Variants in IMMP2L observed in about 807,000 individuals in gnomAD.
The protein encoded by IMMP2L is inner mitochondrial membrane peptidase subunit 2.
In IMMP2L, 18 loss-of-function variants were observed where a neutral mutation model predicts 19.3. The observed-to-expected ratio is 0.93, with a 90% CI of 0.64 to 1.38. The LOEUF is 1.38. Among genes scored for constraint, IMMP2L ranks in the 40% most tolerant of loss-of-function variants. The probability of loss-of-function intolerance (pLI) is 0.00; values close to 1 mark genes in which losing one functional copy is unlikely to be tolerated. For synonymous variants in IMMP2L, 76 were observed against 73.0 expected (o/e 1.04, Z -0.21); for missense variants, 233 against 218.2 (o/e 1.07, Z -0.43).
chr7:110,963,083 T>A (rs1273892243), intron 4 of IMMP2L: 12 of 1,527,922 alleles, frequency 7.9e-6, no homozygotes, highest in Non-Finnish European at 1.0e-5. Context: ...TTCAGTTTTC[T>A]CCCATCTCTA....
At chr7:110,883,578 C>G (rs1013418070) in intron 5 of IMMP2L, among the ~76,000 whole-genome samples, 1 of 152,076 alleles carries the variant, frequency 6.6e-6, no homozygotes, top group African/African-American at 2.4e-5. Flanking sequence ...GTTTCATATT[C>G]CCTGCATACA....
chr7:111,444,193 G>C (rs994390701), intron 3 of IMMP2L, among the ~76,000 whole-genome samples: 4 of 151,876 alleles, frequency 2.6e-5, no homozygotes, highest in African/African-American at 9.7e-5. Context: ...CTTTTTCTGA[G>C]GGTTTAAAAT....
At chr7:111,298,628 T>G (rs1156254833) in intron 3 of IMMP2L, among the ~76,000 whole-genome samples, 3 of 151,722 alleles carry the variant, frequency 2.0e-5, no homozygotes, top group Admixed American at 2.0e-4. Flanking sequence ...TGGTGGCAGG[T>G]GCCTGTAGTT....
intron 5 of IMMP2L, among the ~76,000 whole-genome samples, chr7:110,748,322 C>T (rs2130904858): frequency 1.3e-5 from 2 of 152,242 alleles, no homozygotes; most frequent in South Asian, 4.2e-4. Context: ...GCCATACTGC[C>T]CTAAGTAATT....
At chr7:111,388,964 A>T (rs1832068791) in intron 3 of IMMP2L, among the ~76,000 whole-genome samples, 2 of 152,086 alleles carry the variant, frequency 1.3e-5, no homozygotes, top group Non-Finnish European at 2.9e-5. Context: ...CACTGAAAAG[A>T]TCTAGAAGCA....
At chr7:111,224,263 G>C (rs534007705) in intron 3 of IMMP2L, among the ~76,000 whole-genome samples, 3 of 152,174 alleles carry the variant, frequency 2.0e-5, no homozygotes, top group Non-Finnish European at 4.4e-5. Context: ...GACCCTTTCA[G>C]AACTAAAGAG....
Position 110,907,959 on chromosome 7 carries a change from C to T in IMMP2L, c.306-21264G>A, listed in dbSNP as rs116040711. ...GCCAAGCCTTACTCATGCGACACAA[C>T]GGTCAGTACTTGCTGCTTGGCTGGA... On this transcript the variant is annotated intron_variant, in intron 4 of 5. Coordinates refer to ENST00000405709, the MANE Select transcript of IMMP2L (RefSeq NM_032549.4). Among the ~76,000 whole-genome samples, 834 of 152,210 alleles carry T rather than the reference C, an allele frequency of 5.5e-3. 12 individuals carry two copies. The highest frequency in any genetic ancestry group is 0.019 in the African/African-American group (798 of 41,516).
At chr7:110,908,986 G>T (rs1032642319) in intron 4 of IMMP2L, among the ~76,000 whole-genome samples, 6 of 152,192 alleles carry the variant, frequency 3.9e-5, no homozygotes, top group African/African-American at 1.4e-4. Context: ...TAAAGACCAT[G>T]AGAGAAAGGT....
At chr7:110,818,232 T>C (rs1050047158) in intron 5 of IMMP2L, among the ~76,000 whole-genome samples, 5 of 151,942 alleles carry the variant, frequency 3.3e-5, no homozygotes, top group African/African-American at 9.6e-5. Context: ...AGGGCTAATA[T>C]CCAGAATCTA....
At chr7:110,944,343 G>A (rs1817018611) in intron 4 of IMMP2L, among the ~76,000 whole-genome samples, 1 of 151,994 alleles carries the variant, frequency 6.6e-6, no homozygotes. Context: ...GTTCTTAGAT[G>A]GATGGGGATG....
chr7:111,487,892 G>A (rs925751683), intron 2 of IMMP2L, among the ~76,000 whole-genome samples: 9 of 152,106 alleles, frequency 5.9e-5, no homozygotes, highest in Admixed American at 6.5e-5. Flanking sequence ...TATCCTAAGG[G>A]TCCTGGTCCC....
intron 4 of IMMP2L, among the ~76,000 whole-genome samples, chr7:110,933,692 G>A (rs1815755188): frequency 6.6e-6 from 1 of 152,118 alleles, no homozygotes. Flanking sequence ...TTAATCCATG[G>A]ATAATGCCTG....
At chr7:110,952,599 T>C (rs1817945503) in intron 4 of IMMP2L, among the ~76,000 whole-genome samples, 1 of 152,118 alleles carries the variant, frequency 6.6e-6, no homozygotes, top group South Asian at 2.1e-4. Context: ...GAAAGAAGTT[T>C]TGTCAAAAGT....
At chr7:111,527,424 G>T (rs1001884586) in intron 1 of IMMP2L, among the ~76,000 whole-genome samples, 21 of 118,754 alleles carry the variant, frequency 1.8e-4, no homozygotes, top group African/African-American at 2.8e-4. Flanking sequence ...CTCCAAAAAG[G>T]GGGGGGGGGT....
chr7:111,103,001 C>A (rs1192470319), intron 3 of IMMP2L, among the ~76,000 whole-genome samples: 1 of 151,450 alleles, frequency 6.6e-6, no homozygotes, highest in Non-Finnish European at 1.5e-5. Flanking sequence ...AAATTGCTGA[C>A]AATAACATGG....
chr7:111,036,477 T>C (rs554425222), intron 3 of IMMP2L, among the ~76,000 whole-genome samples: 10 of 152,310 alleles, frequency 6.6e-5, no homozygotes, highest in African/African-American at 2.4e-4. Context: ...TAATATGACA[T>C]TATAAATTTG....
intron 3 of IMMP2L, among the ~76,000 whole-genome samples, chr7:111,015,046 T>C (rs1455893071): frequency 1.3e-5 from 2 of 152,064 alleles, no homozygotes; most frequent in Non-Finnish European, 2.9e-5. Context: ...AGCAATGCCA[T>C]CTCTGGGTAT....
At chr7:110,928,590 C>T (rs1297522825) in intron 4 of IMMP2L, among the ~76,000 whole-genome samples, 2 of 151,278 alleles carry the variant, frequency 1.3e-5, no homozygotes, top group Non-Finnish European at 2.9e-5. Flanking sequence ...CAGTAATACA[C>T]ATAAAATGCA....
chr7:111,544,979 T>C (rs1044702760), intron 1 of IMMP2L, among the ~76,000 whole-genome samples: 2 of 151,830 alleles, frequency 1.3e-5, no homozygotes, highest in African/African-American at 4.8e-5. Flanking sequence ...CCCAATCCTC[T>C]CTCTTACATT....
Sources: allele counts gnomAD v4.1 joint callset (sites outside exome capture counted in the v4.1 genomes callset), GRCh38; gene constraint gnomAD v4.1.1; transcripts MANE v1.5; gene names NCBI Gene and HGNC (gene_info 2026-07-23, HGNC 2026-07-21).